FLNB: variants seen among roughly 807,000 people sequenced by gnomAD.
FLNB encodes the protein filamin B, also known as filamin-B.
A neutral mutation model predicts 250.6 loss-of-function variants in FLNB; 111 were observed. The observed-to-expected ratio is 0.44, with a 90% CI of 0.38 to 0.52. The LOEUF is 0.52. Among genes scored for constraint, FLNB ranks in the 20% least tolerant of loss-of-function variants. The pLI is 0.00. For missense variants in FLNB, 2,869 were observed against 3,447.8 expected, an observed-to-expected ratio of 0.83 and a Z score of 4.20; for synonymous variants, 1,302 against 1,372.1, an observed-to-expected ratio of 0.95 and a Z score of 1.13.
chr3:58,086,738 G>T (rs1343798931), intron 4 of FLNB, among the ~76,000 whole-genome samples: 1 of 152,130 alleles, frequency 6.6e-6, no homozygotes, highest in African/African-American at 2.4e-5. Flanking sequence ...AGAGACAGCC[G>T]GAGATTAAAT....
chr3:58,138,597 A>T (rs1002862264), intron 29 of FLNB, 68 bp downstream of exon 29: 2 of 1,594,844 alleles, frequency 1.3e-6, no homozygotes, highest in Admixed American at 1.7e-5. Context: ...CGTTTGTTGA[A>T]CCCTGACTAG....
intron 14 of FLNB, 79 bp from the exon 15 acceptor site, chr3:58,109,497 T>G: frequency 6.2e-7 from 1 of 1,611,760 alleles, no homozygotes; most frequent in East Asian, 2.2e-5. Flanking sequence ...GAAGAACTAT[T>G]TCTAACAATG....
intron 4 of FLNB, 101 bp from the exon 5 acceptor site, chr3:58,094,735 G>A: frequency 1.0e-6 from 1 of 973,902 alleles, no homozygotes; most frequent in East Asian, 2.4e-5. Flanking sequence ...GATCTGCAGG[G>A]CTGGGTCCCA....
In FLNB at chr3:58,142,167, G is replaced by A. The variant is rs940346573; in HGVS notation, c.5181+238G>A. ...CGTGTCTGTGATCACGCTCGGTGCA[G>A]TTTGTCTCTGTGTTTAAAGAGAAAG... is the stretch of plus-strand genomic sequence containing the variant. On this transcript the variant is annotated intron_variant, in intron 30 of 45. Transcript: ENST00000295956. The surrounding 1 kb of genome is among the most constrained non-coding windows in gnomAD (Gnocchi z 4.3). Among the ~76,000 whole-genome samples the A allele has an allele frequency of 6.6e-6, 1 of 152,182 alleles. No individual in the cohort carries two copies. The highest frequency in any genetic ancestry group is 1.5e-5 in the Non-Finnish European group (1 of 68,028).
rs775212974 is a variant in FLNB at position 58,148,218 on chromosome 3, G to A, written c.5741G>A (p.Arg1914Gln). 73 of 1,614,072 alleles carry A rather than the reference G, an allele frequency of 4.5e-5. No individual in the cohort carries two copies. Among genetic ancestry groups the A allele is most frequent in the East Asian group, 3.6e-4 (16 of 44,886 alleles). Residue 1914 changes from arginine to glutamine, a missense_variant, in exon 35 of 46, where the codon CGG (arginine) becomes CAG (glutamine). Physicochemically the swap from Arg to Gln is conservative, Grantham distance 43. Around this residue, in one of 5 missense-constraint regions of FLNB, gnomAD observed 1,084 missense variants for 1,315.5 expected, o/e 0.82. Coordinates refer to ENST00000295956, the MANE Select transcript of FLNB (RefSeq NM_001457.4). ...GGATGTTTCCCAGATGACAGCAGGC[G>A]GTGCTCCCAGGTGAAGTTGGGCTCA... ...FTAKITDDSRRCSQVKLGSAA... is the reference protein window; with the variant it reads ...FTAKITDDSRQCSQVKLGSAA...
chr3:58,100,373 A>AAAAT, intron 8 of FLNB, among the ~76,000 whole-genome samples: 2 of 104,386 alleles, frequency 1.9e-5, no homozygotes, highest in Non-Finnish European at 3.6e-5. Flanking sequence ...GTAAAAAAAA[A>AAAAT]ATATATATAT....
At position 58,008,746 on chromosome 3, in the gene FLNB, G is replaced by C; in HGVS notation, c.182G>C (p.Arg61Pro). The change falls in exon 1 of 46, where the codon CGC becomes CCC. Residue 61 changes from arginine to proline, a missense_variant. Arg to Pro is a moderately radical substitution (Grantham distance 103). Around this residue, in one of 5 missense-constraint regions of FLNB, gnomAD observed 308 missense variants for 466.1 expected, o/e 0.66. Transcript: ENST00000295956. The stretch of plus-strand genomic sequence containing the variant: ...CTGCTCGAGGTGCTCAGCCAGAAGC[G>C]CATGTACCGCAAGTACCATCAGCGG... ...IALLEVLSQK[R>P]MYRKYHQRPT... 1 of 1,614,108 alleles carries C rather than the reference G, an allele frequency of 6.2e-7. No homozygotes were observed. Among genetic ancestry groups the C allele is most frequent in the South Asian group, 1.1e-5 (1 of 91,084 alleles).
chr3:58,127,739 T>C (rs1315831713), intron 24 of FLNB, among the ~76,000 whole-genome samples: 1 of 152,218 alleles, frequency 6.6e-6, no homozygotes, highest in Non-Finnish European at 1.5e-5. Flanking sequence ...ATTCAAACAA[T>C]AAATAAATAT....
chr3:58,141,721 G>A, intron 29 of FLNB, 137 bp from the exon 30 acceptor site: 1 of 837,936 alleles, frequency 1.2e-6, no homozygotes, highest in Non-Finnish European at 2.0e-6. Context: ...AGGGCAGTAA[G>A]AAAGTGTCCT....
chr3:58,145,866 T>C, intron 32 of FLNB, 55 bp from the exon 33 acceptor site: 3 of 1,612,992 alleles, frequency 1.9e-6, no homozygotes, highest in East Asian at 4.5e-5. Context: ...TTGTCCAGGG[T>C]CTTCGTTCAC....
intron 1 of FLNB, among the ~76,000 whole-genome samples, chr3:58,036,696 C>G (rs2097138580): frequency 6.6e-6 from 1 of 152,212 alleles, no homozygotes; most frequent in African/African-American, 2.4e-5. Flanking sequence ...GTTAGTCCTA[C>G]AAAGGCAGAC....
At chr3:58,027,239 G>A (rs1048347889) in intron 1 of FLNB, among the ~76,000 whole-genome samples, 4 of 150,808 alleles carry the variant, frequency 2.7e-5, no homozygotes, top group African/African-American at 9.8e-5. Context: ...CACAACCTCC[G>A]CCTCCCAGGT....
chr3:58,008,489 C>A lies in FLNB; in HGVS notation c.-76C>A, dbSNP rs886058758. The A allele has an allele frequency of 6.7e-7, 1 of 1,501,908 alleles. No individual in the cohort carries two copies. The highest frequency in any genetic ancestry group is 9.1e-7 in the Non-Finnish European group (1 of 1,104,148). 93.0% of individuals were successfully genotyped at this position (1,501,908 alleles called of 1,614,324 possible). A position where few individuals can be genotyped will look rare whatever the true frequency, so the allele number is the denominator to read the frequency against. ...CCCGCTCCCGCTCCGCTTCGGTTCT[C>A]GCTCCTTCGGCCCTTGGGCCTCCAA... On this transcript the variant is annotated 5_prime_UTR_variant, in exon 1 of 46. Coordinates refer to ENST00000295956, the MANE Select transcript of FLNB (RefSeq NM_001457.4).
intron 19 of FLNB, 40 bp downstream of exon 19, chr3:58,119,029 C>T (rs2097283718): frequency 3.6e-6 from 5 of 1,389,354 alleles, no homozygotes; most frequent in East Asian, 2.3e-5. Flanking sequence ...TGTTGATGAC[C>T]CCCCAACGTG....
chr3:58,061,750 C>CAA (rs574215546), intron 1 of FLNB, among the ~76,000 whole-genome samples: 4 of 83,024 alleles, frequency 4.8e-5, no homozygotes, highest in Non-Finnish European at 5.3e-5. Flanking sequence ...CCCTGGCCTC[C>CAA]AAAAAAAAAA....
intron 34 of FLNB, among the ~76,000 whole-genome samples, 190 bp downstream of exon 34, chr3:58,147,183 C>T (rs2097337120): frequency 6.6e-6 from 1 of 152,176 alleles, no homozygotes; most frequent in African/African-American, 2.4e-5. Context: ...TGCTGATAAT[C>T]CAGGAAAATG....
rs191166668 is a variant in FLNB at position 58,050,956 on chromosome 3, G to A, written c.293-26090G>A. On this transcript the variant is annotated intron_variant, in intron 1 of 45. Transcript: ENST00000295956. Reference sequence around the variant, plus strand: ...GCTCAGGTAACTCACTCCGTGGGTAGCTGATATTGCCTGGGCAAGTGGCAT... The same window carrying A: ...GCTCAGGTAACTCACTCCGTGGGTAACTGATATTGCCTGGGCAAGTGGCAT... Among the ~76,000 whole-genome samples the A allele has an allele frequency of 7.2e-5, 11 of 152,384 alleles. No homozygotes were observed. The East Asian group carries it at 2.1e-3, about 29-fold the overall frequency.
rs76423854 is a variant in FLNB at position 58,054,249 on chromosome 3, G to A, written c.293-22797G>A. On this transcript the variant is annotated intron_variant, in intron 1 of 45. Transcript: ENST00000295956. ...TTTGACTGTTCTACCCTCCAGTCAC[G>A]TGGCTAAATTAATTAAATCAAATTT... 1.7e-4 allele frequency among the ~76,000 whole-genome samples: 26 copies of A among 152,188 alleles called. No homozygotes were observed. In the East Asian group the frequency reaches 2.9e-3, roughly 17 times the overall value.
chr3:58,049,550 T>C (rs1193759572), intron 1 of FLNB, among the ~76,000 whole-genome samples: 1 of 152,098 alleles, frequency 6.6e-6, no homozygotes, highest in Non-Finnish European at 1.5e-5. Context: ...AGGGCTCCAG[T>C]TTTGGTAATA....
Sources: gnomAD v4.1 joint callset for allele counts (sites outside exome capture counted in the v4.1 genomes callset) on GRCh38, gnomAD v4.1.1 for gene constraint, gnomAD v4.1.1 regional missense constraint, Gnocchi (gnomAD v3.1) non-coding constraint, MANE v1.5 for transcripts, NCBI Gene and HGNC (gene_info 2026-07-23, HGNC 2026-07-21) for gene names.